Variants in GRM8 observed in about 807,000 individuals in gnomAD.
The protein encoded by GRM8 is metabotropic glutamate receptor 8.
In GRM8, 47 loss-of-function variants were observed where a neutral mutation model predicts 87.2. That is an observed-to-expected ratio of 0.54 (90% CI 0.43 to 0.69). The LOEUF (loss-of-function observed/expected upper bound fraction) is 0.69. Ranked by LOEUF, GRM8 falls within the 30% of genes least tolerant of loss-of-function variation. The probability of loss-of-function intolerance (pLI) is 0.00; values close to 1 mark genes in which losing one functional copy is unlikely to be tolerated. For synonymous variants in GRM8, 396 were observed against 404.5 expected (o/e 0.98, Z 0.25); for missense variants, 1,019 against 1,139.2 (o/e 0.89, Z 1.52).
intron 10 of GRM8, among the ~76,000 whole-genome samples, chr7:126,439,827 TG>T (rs1801252449): frequency 7.1e-6 from 1 of 139,926 alleles, no homozygotes; most frequent in African/African-American, 3.1e-5. Context: ...CCTAGGCTAG[TG>T]TGTGTGTGTG....
chr7:126,730,199 A>G (rs1285090840), intron 7 of GRM8, among the ~76,000 whole-genome samples: 1 of 152,198 alleles, frequency 6.6e-6, no homozygotes, highest in East Asian at 1.9e-4. Context: ...TAAACCATAA[A>G]TTGTGTCAAA....
intron 2 of GRM8, among the ~76,000 whole-genome samples, chr7:127,115,203 A>G (rs1406375018): frequency 6.6e-6 from 1 of 152,156 alleles, no homozygotes; most frequent in Non-Finnish European, 1.5e-5. Context: ...TGCCTGCACA[A>G]AGGAACCTTC....
intron 9 of GRM8, among the ~76,000 whole-genome samples, chr7:126,520,849 C>T (rs1286674295): frequency 2.0e-5 from 3 of 152,100 alleles, no homozygotes; most frequent in African/African-American, 4.8e-5. Context: ...TATACATATT[C>T]TTCTTTTGTA....
chr7:127,164,841 T>C (rs1793339194), intron 2 of GRM8, among the ~76,000 whole-genome samples: 1 of 151,848 alleles, frequency 6.6e-6, no homozygotes, highest in African/African-American at 2.4e-5. Context: ...CCTCCACCAA[T>C]CCCTAGGTGA....
intron 2 of GRM8, chr7:127,215,310 C>T (rs1796456096): frequency 1.3e-5 from 2 of 152,238 alleles, no homozygotes; most frequent in Admixed American, 6.5e-5. Flanking sequence ...GACATTTCCC[C>T]ACCCCCAGCC....
chr7:126,446,135 C>G lies in GRM8; in HGVS notation c.2668G>C (p.Glu890Gln). 1 of 1,612,912 alleles carries G rather than the reference C, an allele frequency of 6.2e-7. No individual in the cohort carries two copies. The highest frequency in any genetic ancestry group is 8.5e-7 in the Non-Finnish European group (1 of 1,179,200). Residue 890 changes from glutamate to glutamine, a missense_variant, in exon 10 of 11, where the codon GAA becomes CAA. Glu to Gln is a conservative substitution (Grantham distance 29, BLOSUM62 2). Transcript: ENST00000339582. ...TCTACAGATGACTTACTGTTGGTTT[C>G]AAGACTCTCACAGAGTTCACTTTTC... Reference protein sequence around the residue: ...EVKSELCESLETNTSSTKTTY... With the variant: ...EVKSELCESLQTNTSSTKTTY...
intron 3 of GRM8, among the ~76,000 whole-genome samples, chr7:126,907,732 C>T (rs763841622): frequency 6.6e-6 from 1 of 152,050 alleles, no homozygotes; most frequent in Non-Finnish European, 1.5e-5. Context: ...TTGCACTCCA[C>T]GGAAGAAAAA....
intron 6 of GRM8, among the ~76,000 whole-genome samples, chr7:126,818,861 T>C (rs879716752): frequency 2.0e-5 from 3 of 152,184 alleles, no homozygotes; most frequent in Non-Finnish European, 4.4e-5. Flanking sequence ...GCAAACCCAT[T>C]CATTCTTGGC....
At position 127,242,882 on chromosome 7, in the gene GRM8, C is replaced by T. The variant is rs954034986; in HGVS notation, c.323G>A (p.Arg108Lys). 37 of 1,613,934 alleles carry T rather than the reference C, an allele frequency of 2.3e-5. No homozygotes were observed. The highest frequency in any genetic ancestry group is 3.1e-5 in the Non-Finnish European group (36 of 1,179,866). The part of the protein sequence containing the change: ...LGVRILDTCS[R>K]DTYALEQSLT... ...AGACTGCTCCAAAGCATAGGTGTCC[C>T]TAGAGCACGTGTCGAGGATGCGGAC... Residue 108 changes from arginine to lysine, a missense_variant, in exon 2 of 11, where the codon AGG becomes AAG. Coordinates refer to ENST00000339582, the MANE Select transcript of GRM8 (RefSeq NM_000845.3).
chr7:126,915,204 C>T (rs1803765054), intron 3 of GRM8, among the ~76,000 whole-genome samples: 1 of 152,182 alleles, frequency 6.6e-6, no homozygotes, highest in African/African-American at 2.4e-5. Flanking sequence ...TGGCCCTTCT[C>T]TTCTTAGCTA....
chr7:126,448,439 A>T (rs971867627), intron 9 of GRM8, among the ~76,000 whole-genome samples: 1 of 151,930 alleles, frequency 6.6e-6, no homozygotes, highest in East Asian at 1.9e-4. Flanking sequence ...AATATAAATA[A>T]TAGTCTTCTC....
intron 2 of GRM8, among the ~76,000 whole-genome samples, chr7:127,199,660 G>T (rs1003299199): frequency 6.6e-6 from 1 of 152,182 alleles, no homozygotes; most frequent in African/African-American, 2.4e-5. Context: ...TCACCTTTCA[G>T]CAGCCTTGTC....
chr7:127,187,297 C>T (rs1190665097), intron 2 of GRM8, among the ~76,000 whole-genome samples: 1 of 152,074 alleles, frequency 6.6e-6, no homozygotes, highest in Admixed American at 6.6e-5. Flanking sequence ...ACACTACACA[C>T]CCTGAGACAT....
chr7:126,633,332 G>C (rs1192923033), intron 7 of GRM8, among the ~76,000 whole-genome samples: 1 of 152,074 alleles, frequency 6.6e-6, no homozygotes, highest in Admixed American at 6.6e-5. Flanking sequence ...GGCCAGACTT[G>C]AACTGAGAAG....
chr7:126,667,587 A>G (rs1805904854), intron 7 of GRM8, among the ~76,000 whole-genome samples: 2 of 152,212 alleles, frequency 1.3e-5, no homozygotes, highest in African/African-American at 4.8e-5. Context: ...GAATCTGACA[A>G]TGGACTTCCA....
At chr7:126,510,437 T>A (rs934383525) in intron 9 of GRM8, among the ~76,000 whole-genome samples, 1 of 152,026 alleles carries the variant, frequency 6.6e-6, no homozygotes, top group Non-Finnish European at 1.5e-5. Context: ...TAGTCCAATA[T>A]CTCTTGGCAT....
chr7:127,097,364 C>A (rs1323786817), intron 3 of GRM8, among the ~76,000 whole-genome samples: 1 of 152,012 alleles, frequency 6.6e-6, no homozygotes, highest in Non-Finnish European at 1.5e-5. Flanking sequence ...GAATACTTAG[C>A]CCAGAAGTGG....
chr7:126,638,287 G>A (rs540956332), intron 7 of GRM8, among the ~76,000 whole-genome samples: 37 of 152,176 alleles, frequency 2.4e-4, no homozygotes, highest in Admixed American at 9.8e-4. Flanking sequence ...CAAAAAGAAG[G>A]GGAGCATCTT....
chr7:127,188,209 T>C (rs17867126), intron 2 of GRM8, among the ~76,000 whole-genome samples: 804 of 152,312 alleles, frequency 5.3e-3, no homozygotes, highest in African/African-American at 0.019. Context: ...CTCCACTTTA[T>C]AGATGAGAAA....
Sources: allele counts gnomAD v4.1 joint callset (sites outside exome capture counted in the v4.1 genomes callset), GRCh38; gene constraint gnomAD v4.1.1; transcripts MANE v1.5; gene names NCBI Gene and HGNC (gene_info 2026-07-23, HGNC 2026-07-21).